CSMD1: variants seen among roughly 807,000 people sequenced by gnomAD.
The protein encoded by CSMD1 is CUB and sushi domain-containing protein 1.
Under a neutral mutation model 417.5 loss-of-function variants are expected in CSMD1, and 213 were observed. That is an observed-to-expected ratio of 0.51 (90% confidence interval 0.46 to 0.57). The LOEUF is 0.57. CSMD1 is among the 20% of genes least tolerant of loss of function. CSMD1 has a pLI of 0.00. For missense variants in CSMD1, 6,923 were observed against 4,529.7 expected, an observed-to-expected ratio of 1.53 and a Z score of -15.17; for synonymous variants, 2,862 against 1,736.8, an observed-to-expected ratio of 1.65 and a Z score of -16.11.
chr8:3,017,868 A>G (rs1019010727), intron 52 of CSMD1, among the ~76,000 whole-genome samples: 1 of 151,616 alleles, frequency 6.6e-6, no homozygotes, highest in Non-Finnish European at 1.5e-5. Flanking sequence ...CAGAAGAACC[A>G]AAGGCAAGTA....
chr8:4,863,118 A>C (rs928967908), intron 1 of CSMD1, among the ~76,000 whole-genome samples: 1 of 152,066 alleles, frequency 6.6e-6, no homozygotes, highest in South Asian at 2.1e-4. Context: ...GATCATGAAA[A>C]ATGAAATAAT....
chr8:3,954,413 A>G (rs1351596367), intron 5 of CSMD1, among the ~76,000 whole-genome samples: 1 of 152,074 alleles, frequency 6.6e-6, no homozygotes, highest in Non-Finnish European at 1.5e-5. Context: ...CCCAGGCTGG[A>G]GTGCAGTGGC....
At chr8:3,479,492 C>A (rs1585225883) in intron 11 of CSMD1, among the ~76,000 whole-genome samples, 1 of 152,058 alleles carries the variant, frequency 6.6e-6, no homozygotes, top group African/African-American at 2.4e-5. Context: ...ATTGGTCATG[C>A]TAGTCTTGAA....
At chr8:3,004,760 G>C (rs554621173) in intron 52 of CSMD1, among the ~76,000 whole-genome samples, 4 of 152,314 alleles carry the variant, frequency 2.6e-5, no homozygotes, top group Non-Finnish European at 4.4e-5. Context: ...AAATGGTTGA[G>C]AGAACCAGTA....
intron 3 of CSMD1, among the ~76,000 whole-genome samples, chr8:4,319,155 C>G (rs1026764757): frequency 5.3e-5 from 8 of 152,084 alleles, no homozygotes; most frequent in Non-Finnish European, 1.2e-4. Context: ...GGGAAAATAC[C>G]TGAAAATTTA....
At chr8:4,710,293 T>A (rs970809240) in intron 1 of CSMD1, among the ~76,000 whole-genome samples, 1 of 151,536 alleles carries the variant, frequency 6.6e-6, no homozygotes, top group Non-Finnish European at 1.5e-5. Flanking sequence ...AAATATATAA[T>A]GTATATGTGT....
chr8:3,174,422 G>C lies in CSMD1; in HGVS notation c.5725+6688C>G, dbSNP rs903165055. The stretch of plus-strand genomic sequence containing the variant: ...AGGTGGGAGGATTGCTTGAACCCAA[G>C]AGGTTGAGACTGAAGTGAGCTGAGA... On this transcript the variant is annotated intron_variant, in intron 37 of 69. Coordinates refer to ENST00000635120, the MANE Select transcript of CSMD1 (RefSeq NM_033225.6). Among the ~76,000 whole-genome samples, 10 of 152,182 alleles carry C rather than the reference G, an allele frequency of 6.6e-5. 1 individual carries two copies. The highest frequency in any genetic ancestry group is 2.6e-4 in the Admixed American group (4 of 15,284).
At chr8:4,864,477 A>T (rs1284833075) in intron 1 of CSMD1, among the ~76,000 whole-genome samples, 1 of 151,918 alleles carries the variant, frequency 6.6e-6, no homozygotes. Context: ...ATCATTGCTC[A>T]GAAACCCTAT....
chr8:3,844,570 T>C (rs1228027411), intron 5 of CSMD1, among the ~76,000 whole-genome samples: 1 of 152,120 alleles, frequency 6.6e-6, no homozygotes, highest in Non-Finnish European at 1.5e-5. Context: ...AGGAAAGTAA[T>C]AACTAGAGGC....
intron 3 of CSMD1, among the ~76,000 whole-genome samples, chr8:4,046,277 T>A (rs1356815762): frequency 6.6e-6 from 1 of 152,212 alleles, no homozygotes; most frequent in Admixed American, 6.5e-5. Flanking sequence ...AATTCTTGGC[T>A]GTTTCTCAGT....
chr8:3,260,955 GA>G (rs1409727935), intron 26 of CSMD1, among the ~76,000 whole-genome samples: 1 of 151,796 alleles, frequency 6.6e-6, no homozygotes, highest in Non-Finnish European at 1.5e-5. Flanking sequence ...GAAGAGTAAA[GA>G]AAAATAAAAT....
At chr8:4,282,810 TATA>T (rs2128861002) in intron 3 of CSMD1, among the ~76,000 whole-genome samples, 1 of 152,266 alleles carries the variant, frequency 6.6e-6, no homozygotes. Context: ...TGGAGTCGGG[TATA>T]TATCAGATTC....
At chr8:4,829,801 G>T (rs932108207) in intron 1 of CSMD1, among the ~76,000 whole-genome samples, 2 of 151,664 alleles carry the variant, frequency 1.3e-5, no homozygotes, top group Non-Finnish European at 2.9e-5. Context: ...CTAGTTAATG[G>T]TCTAAAGAAC....
chr8:3,265,816 G>A (rs375891581), intron 26 of CSMD1, among the ~76,000 whole-genome samples: 1 of 152,084 alleles, frequency 6.6e-6, no homozygotes, highest in East Asian at 2.0e-4. Context: ...TCAGACTAGG[G>A]TTTTGCTTGG....
chr8:4,682,959 TATATATA>T (rs1806141389), intron 1 of CSMD1, among the ~76,000 whole-genome samples: 1 of 20,566 alleles, frequency 4.9e-5, no homozygotes, highest in Non-Finnish European at 8.7e-5. Context: ...TATCTTCATA[TATATATA>T]TATATATATA....
intron 3 of CSMD1, among the ~76,000 whole-genome samples, chr8:4,234,074 T>C (rs1485944655): frequency 6.6e-6 from 1 of 152,152 alleles, no homozygotes; most frequent in East Asian, 1.9e-4. Context: ...CATTAACCCC[T>C]GCCTAAGTAC....
At chr8:4,706,312 A>C (rs1807938474) in intron 1 of CSMD1, among the ~76,000 whole-genome samples, 1 of 152,126 alleles carries the variant, frequency 6.6e-6, no homozygotes, top group Admixed American at 6.5e-5. Flanking sequence ...CCATGAAATA[A>C]GAAATAAATA....
At chr8:3,200,016 A>C (rs748437109) in intron 32 of CSMD1, among the ~76,000 whole-genome samples, 22 of 152,216 alleles carry the variant, frequency 1.4e-4, no homozygotes, top group Non-Finnish European at 2.8e-4. Flanking sequence ...GCATTTGATT[A>C]AAATATACTG....
intron 18 of CSMD1, among the ~76,000 whole-genome samples, chr8:3,378,845 G>T (rs1041570816): frequency 6.6e-6 from 1 of 152,140 alleles, no homozygotes; most frequent in Non-Finnish European, 1.5e-5. Flanking sequence ...AAAAGACAAG[G>T]ATGCCCTTTC....
Sources: allele counts gnomAD v4.1 joint callset (sites outside exome capture counted in the v4.1 genomes callset), GRCh38; gene constraint gnomAD v4.1.1; transcripts MANE v1.5; gene names NCBI Gene and HGNC (gene_info 2026-07-23, HGNC 2026-07-21).